Variants in SHISA9 observed in about 807,000 individuals in gnomAD.
The protein encoded by SHISA9 is shisa family member 9.
In SHISA9, 13 loss-of-function variants were observed where a neutral mutation model predicts 38.0. The observed-to-expected ratio is 0.34, with a 90% CI of 0.22 to 0.54. The LOEUF is 0.54. Ranked by LOEUF, SHISA9 falls within the 20% of genes least tolerant of loss-of-function variation. The pLI, the probability that SHISA9 is intolerant of heterozygous loss-of-function variation, is 0.91. For missense variants in SHISA9, 538 were observed against 575.8 expected, an observed-to-expected ratio of 0.93 and a Z score of 0.67; for synonymous variants, 275 against 242.0, an observed-to-expected ratio of 1.14 and a Z score of -1.27.
the SHISA9 span, among the ~76,000 whole-genome samples, chr16:13,454,536 G>A: frequency 0.012 from 1,892 of 152,230 alleles, 30 homozygotes; most frequent in African/African-American, 0.04. Context: ...TACCATTGTC[G>A]TCATCTTTGT....
Position 12,986,603 on chromosome 16 carries a change from C to T in SHISA9, c.691+69788C>T, listed in dbSNP as rs561180712. The stretch of plus-strand genomic sequence containing the variant: ...TATTGGAGGGGATGGCTGAATCCCA[C>T]GGGGAAGATCCCACCCTCTGCAGAG... On this transcript the variant is annotated intron_variant, in intron 2 of 4. Coordinates refer to ENST00000558583, the MANE Select transcript of SHISA9 (RefSeq NM_001145204.3). Among the ~76,000 whole-genome samples, 32 of 152,198 alleles carry T rather than the reference C, an allele frequency of 2.1e-4. No individual in the cohort carries two copies. The East Asian group carries it at 3.1e-3, about 15-fold the overall frequency.
At chr16:13,526,724 A>C in the SHISA9 span, among the ~76,000 whole-genome samples, 1 of 152,102 alleles carries the variant, frequency 6.6e-6, no homozygotes, top group Non-Finnish European at 1.5e-5. Flanking sequence ...CCCTCTACAC[A>C]TATTAGCCTC....
rs1338927132 is a variant in SHISA9, at chr16:12,901,838, C to T, written c.-227C>T. ...CCGGGCGCGCTCCTCCCCGGCCGGC[C>T]CCTCGGCGCGCGGCGCGCTGGAGGC... On this transcript the variant is annotated 5_prime_UTR_variant, in exon 1 of 5. Coordinates refer to ENST00000558583, the MANE Select transcript of SHISA9 (RefSeq NM_001145204.3). 2 of 152,868 alleles carry T rather than the reference C, an allele frequency of 1.3e-5. No individual in the cohort carries two copies. Among genetic ancestry groups the T allele is most frequent in the African/African-American group, 2.5e-5 (1 of 40,734 alleles). The allele number at this position is 152,868 out of a possible 1,614,324, so 9.5% of individuals were successfully genotyped here. A position where few individuals can be genotyped will look rare whatever the true frequency, so the allele number is the denominator to read the frequency against.
intron 2 of SHISA9, among the ~76,000 whole-genome samples, chr16:13,141,305 C>G (rs945604703): frequency 6.6e-6 from 1 of 152,020 alleles, no homozygotes; most frequent in Admixed American, 6.5e-5. Flanking sequence ...ACAGCAGTCA[C>G]TTTATGAGCT....
intron 2 of SHISA9, among the ~76,000 whole-genome samples, chr16:13,073,957 G>T (rs892209531): frequency 9.6e-6 from 1 of 103,858 alleles, no homozygotes; most frequent in Non-Finnish European, 2.1e-5. Context: ...TCTGCTGGTC[G>T]TTTTTTTTTT....
At chr16:13,342,263 T>C in the SHISA9 span, among the ~76,000 whole-genome samples, 16 of 152,330 alleles carry the variant, frequency 1.1e-4, no homozygotes, top group Non-Finnish European at 1.9e-4. Flanking sequence ...TCACTGTTAC[T>C]GAACACTGTC....
intron 2 of SHISA9, among the ~76,000 whole-genome samples, chr16:13,069,385 A>T (rs943537120): frequency 6.6e-6 from 1 of 151,782 alleles, no homozygotes; most frequent in Non-Finnish European, 1.5e-5. Context: ...TGTACATGCA[A>T]TGTGTATGTG....
intron 2 of SHISA9, among the ~76,000 whole-genome samples, chr16:13,108,920 G>A (rs1226608283): frequency 3.3e-5 from 5 of 152,160 alleles, no homozygotes; most frequent in African/African-American, 7.2e-5. Flanking sequence ...CTTCCAGAGC[G>A]TGCTGAGCAG....
intron 2 of SHISA9, among the ~76,000 whole-genome samples, chr16:13,179,403 T>G (rs2050758994): frequency 6.6e-6 from 1 of 152,224 alleles, no homozygotes; most frequent in Non-Finnish European, 1.5e-5. Flanking sequence ...TCTACATGCC[T>G]TATCTTATTT....
At chr16:13,170,801 T>C (rs1031582526) in intron 2 of SHISA9, among the ~76,000 whole-genome samples, 2 of 152,032 alleles carry the variant, frequency 1.3e-5, no homozygotes, top group Non-Finnish European at 2.9e-5. Flanking sequence ...GGATTACAGA[T>C]GTGTGCCACC....
At chr16:13,221,438 C>CTTT (rs72459669) in intron 4 of SHISA9, among the ~76,000 whole-genome samples, 6 of 134,988 alleles carry the variant, frequency 4.4e-5, no homozygotes, top group Non-Finnish European at 8.0e-5. Flanking sequence ...AATACCTGGA[C>CTTT]TTTTTTTTTT....
chr16:13,553,682 GAA>G, the SHISA9 span, among the ~76,000 whole-genome samples: 48 of 150,326 alleles, frequency 3.2e-4, no homozygotes, highest in African/African-American at 1.1e-3. Context: ...TAAAAAAAAA[GAA>G]AAAAAAAATC....
intron 3 of SHISA9, among the ~76,000 whole-genome samples, chr16:13,210,462 T>A (rs1028556970): frequency 4.0e-4 from 61 of 152,232 alleles, no homozygotes; most frequent in African/African-American, 1.4e-3. Context: ...AAAAAAATTG[T>A]CTGTGTTGCT....
rs191393383 is a variant in SHISA9 at position 13,132,798 on chromosome 16, T to G, written c.692-70596T>G. On this transcript the variant is annotated intron_variant, in intron 2 of 4. Coordinates refer to ENST00000558583, the MANE Select transcript of SHISA9 (RefSeq NM_001145204.3). ...ACTGATAAGATGAATTGAAGGTCTT[T>G]GGAGAAAAATTCTGGGAAAAAGTGA... Among the ~76,000 whole-genome samples, 115 of 152,324 alleles carry G rather than the reference T, an allele frequency of 7.5e-4. 1 individual carries two copies. The highest frequency in any genetic ancestry group is 2.5e-3 in the African/African-American group (102 of 41,582).
the SHISA9 span, among the ~76,000 whole-genome samples, chr16:13,286,735 G>A: frequency 2.0e-5 from 3 of 152,112 alleles, no homozygotes; most frequent in Non-Finnish European, 4.4e-5. Flanking sequence ...GACATCCATA[G>A]ATAGATTTTC....
At chr16:13,295,517 A>C in the SHISA9 span, among the ~76,000 whole-genome samples, 2 of 152,152 alleles carry the variant, frequency 1.3e-5, no homozygotes, top group East Asian at 3.9e-4. Context: ...ACTGCCTGAC[A>C]TTGGCCCGTC....
chr16:13,325,751 G>T, the SHISA9 span, among the ~76,000 whole-genome samples: 1 of 152,038 alleles, frequency 6.6e-6, no homozygotes, highest in Non-Finnish European at 1.5e-5. Context: ...TCCTTTGCAG[G>T]GCCATGGATG....
In SHISA9 at chr16:12,902,325, G is replaced by A. The variant is rs1193844552; in HGVS notation, c.261G>A (p.Pro87=). The A allele has an allele frequency of 3.2e-6, 5 of 1,551,332 alleles. No individual in the cohort carries two copies. Among genetic ancestry groups the A allele is most frequent in the African/African-American group, 2.7e-5 (2 of 73,188 alleles). ...ATGTCATGGGCCAGTGGGACCCGCC[G>A]TTCAACTGCAGCTCGGGCGACTTCA... ...YFDVMGQWDP[P]FNCSSGDFIF... The change falls in exon 1 of 5, where the codon CCG becomes CCA. Residue 87 remains proline (P), a synonymous_variant. Coordinates refer to ENST00000558583, the MANE Select transcript of SHISA9 (RefSeq NM_001145204.3).
At chr16:13,089,123 G>T (rs147938773) in intron 2 of SHISA9, among the ~76,000 whole-genome samples, 1 of 152,172 alleles carries the variant, frequency 6.6e-6, no homozygotes, top group Non-Finnish European at 1.5e-5. Context: ...ATTGATTTGC[G>T]TGTGTTGAAC....
Sources: allele counts gnomAD v4.1 joint callset (sites outside exome capture counted in the v4.1 genomes callset), GRCh38; gene constraint gnomAD v4.1.1; transcripts MANE v1.5; gene names NCBI Gene and HGNC (gene_info 2026-07-23, HGNC 2026-07-21).